WDR25: variants seen among roughly 807,000 people sequenced by gnomAD.
WDR25 encodes WD repeat domain 25, also known as WD repeat-containing protein 25.
Under a neutral mutation model 47.7 loss-of-function variants are expected in WDR25, and 35 were observed. The ratio of observed to expected loss-of-function variants is 0.73; its 90% CI spans 0.56 to 0.97. The LOEUF (loss-of-function observed/expected upper bound fraction) is 0.97. Among genes scored for constraint, WDR25 ranks in the 50% least tolerant of loss-of-function variants. WDR25 has a pLI of 0.00. For synonymous variants in WDR25, 248 were observed against 278.9 expected (o/e 0.89, Z 1.10); for missense variants, 634 against 704.7 (o/e 0.90, Z 1.14).
chr14:100,477,985 G>T (rs1253108305), intron 3 of WDR25, among the ~76,000 whole-genome samples: 1 of 152,126 alleles, frequency 6.6e-6, no homozygotes, highest in Admixed American at 6.5e-5. Flanking sequence ...CCAGCTACTA[G>T]GGAGGCTGAG....
intron 2 of WDR25, among the ~76,000 whole-genome samples, chr14:100,427,363 A>G (rs1898198912): frequency 6.6e-6 from 1 of 151,978 alleles, no homozygotes; most frequent in Admixed American, 6.6e-5. Context: ...TCCCGCTCCA[A>G]ATGTATCCCG....
At chr14:100,480,889 A>C (rs7155186) in intron 3 of WDR25, 3,549 of 299,970 alleles carry the variant, frequency 0.012, 119 homozygotes, top group African/African-American at 0.074. Flanking sequence ...CGGGCAGCCC[A>C]GCTTTGCAAA....
intron 2 of WDR25, among the ~76,000 whole-genome samples, chr14:100,420,987 T>C (rs889761662): frequency 7.2e-5 from 11 of 152,248 alleles, no homozygotes; most frequent in Non-Finnish European, 1.5e-4. Flanking sequence ...TGGATGAGTC[T>C]TTTTATTTCT....
chr14:100,436,323 C>CT (rs1213394031), intron 2 of WDR25, among the ~76,000 whole-genome samples: 6 of 152,196 alleles, frequency 3.9e-5, no homozygotes, highest in African/African-American at 1.4e-4. Flanking sequence ...TCACCACAGA[C>CT]TGTGTGTGCT....
chr14:100,501,116 G>T (rs1178095924), intron 4 of WDR25, among the ~76,000 whole-genome samples: 1 of 152,146 alleles, frequency 6.6e-6, no homozygotes, highest in East Asian at 1.9e-4. Flanking sequence ...CCATGGAGTA[G>T]GTGTGACAGT....
At chr14:100,441,672 G>T (rs1488185250) in intron 2 of WDR25, among the ~76,000 whole-genome samples, 1 of 152,178 alleles carries the variant, frequency 6.6e-6, no homozygotes, top group Admixed American at 6.5e-5. Context: ...GAAGCTCTTG[G>T]TCTTGGTTTC....
intron 2 of WDR25, among the ~76,000 whole-genome samples, chr14:100,426,883 A>T (rs1206903321): frequency 6.6e-6 from 1 of 152,172 alleles, no homozygotes; most frequent in African/African-American, 2.4e-5. Flanking sequence ...CAGCCCTAGG[A>T]AACTGCCAGC....
At chr14:100,429,078 T>A (rs191392549) in intron 2 of WDR25, among the ~76,000 whole-genome samples, 1 of 152,208 alleles carries the variant, frequency 6.6e-6, no homozygotes, top group African/African-American at 2.4e-5. Context: ...TTTAGAACAT[T>A]TTCTTCCATT....
intron 2 of WDR25, among the ~76,000 whole-genome samples, chr14:100,383,772 C>T (rs1000820570): frequency 1.3e-5 from 2 of 152,228 alleles, no homozygotes; most frequent in Non-Finnish European, 2.9e-5. Flanking sequence ...GTGCCAGGCA[C>T]GGTGCCACTG....
intron 4 of WDR25, among the ~76,000 whole-genome samples, chr14:100,516,481 C>T (rs1452457267): frequency 4.6e-5 from 7 of 152,158 alleles, no homozygotes; most frequent in African/African-American, 1.2e-4. Flanking sequence ...CAGGTAAAAT[C>T]GTGGACTTGT....
intron 2 of WDR25, among the ~76,000 whole-genome samples, chr14:100,420,754 C>T (rs1253131590): frequency 6.6e-6 from 1 of 152,168 alleles, no homozygotes; most frequent in Admixed American, 6.5e-5. Flanking sequence ...TATGAGGCTG[C>T]AGATAACAGG....
At chr14:100,411,660 C>T (rs1897712276) in intron 2 of WDR25, among the ~76,000 whole-genome samples, 1 of 152,066 alleles carries the variant, frequency 6.6e-6, no homozygotes, top group Non-Finnish European at 1.5e-5. Context: ...CCTCAGCCTC[C>T]CTAGTAGCTG....
In WDR25 at chr14:100,381,502, A is replaced by T. The variant is rs1467872973; in HGVS notation, c.578A>T (p.Lys193Met). Residue 193 changes from lysine (K) to methionine (M), a missense_variant, in exon 2 of 7, where the codon AAG (lysine) becomes ATG (methionine). Lys to Met is a moderately conservative substitution (Grantham distance 95, BLOSUM62 -1). Coordinates refer to ENST00000402312, the MANE Select transcript of WDR25 (RefSeq NM_001161476.3). ...QRQALSTETG[K>M]GKDVEPQGPP... ...CAGGCATTAAGCACGGAGACAGGCA[A>T]GGGTAAAGACGTGGAGCCACAGGGG... 3.7e-6 allele frequency: 6 copies of T among 1,614,068 alleles called. No individual in the cohort carries two copies. The highest frequency in any genetic ancestry group is 5.1e-6 in the Non-Finnish European group (6 of 1,180,034).
At chr14:100,418,326 A>C (rs1159742288) in intron 2 of WDR25, among the ~76,000 whole-genome samples, 1 of 151,024 alleles carries the variant, frequency 6.6e-6, no homozygotes, top group African/African-American at 2.4e-5. Context: ...TCTGACTTTC[A>C]TGCAACTATT....
intron 2 of WDR25, among the ~76,000 whole-genome samples, chr14:100,413,670 C>T (rs530459029): frequency 1.5e-3 from 230 of 152,334 alleles, no homozygotes; most frequent in Admixed American, 3.5e-3. Flanking sequence ...ACCTCGGCCT[C>T]CCAAAGTGTT....
chr14:100,400,393 G>A (rs1330493144), intron 2 of WDR25, among the ~76,000 whole-genome samples: 2 of 152,190 alleles, frequency 1.3e-5, no homozygotes, highest in East Asian at 1.9e-4. Flanking sequence ...GCACCTTTCC[G>A]GGTTTGACTC....
chr14:100,499,602 G>A lies in WDR25; in HGVS notation c.1101+15478G>A, dbSNP rs1900847516. 6.6e-6 allele frequency among the ~76,000 whole-genome samples: 1 copy of A among 152,172 alleles called. No homozygotes were observed. The highest frequency in any genetic ancestry group is 2.1e-4 in the South Asian group (1 of 4,830). On this transcript the variant is annotated intron_variant, in intron 4 of 6. Transcript: ENST00000402312. The surrounding 1 kb of genome is among the most constrained non-coding windows in gnomAD (Gnocchi z 4.4). ...ATGTTCACCTGCATCCTGGAGGAAG[G>A]CACTGGTGCAGAGAGATGGGCTGGA...
intron 4 of WDR25, among the ~76,000 whole-genome samples, chr14:100,486,204 C>G (rs1319488308): frequency 2.6e-5 from 4 of 152,168 alleles, no homozygotes; most frequent in Non-Finnish European, 5.9e-5. Flanking sequence ...AACCACGTCC[C>G]TTATGGGTGC....
intron 3 of WDR25, among the ~76,000 whole-genome samples, chr14:100,482,259 T>A (rs1207157238): frequency 6.6e-6 from 1 of 152,194 alleles, no homozygotes; most frequent in African/African-American, 2.4e-5. Context: ...AAAAGTTCCC[T>A]ACATTAAGAA....
Sources: allele counts gnomAD v4.1 joint callset (sites outside exome capture counted in the v4.1 genomes callset), GRCh38; gene constraint gnomAD v4.1.1; non-coding constraint Gnocchi (gnomAD v3.1); transcripts MANE v1.5; gene names NCBI Gene and HGNC (gene_info 2026-07-23, HGNC 2026-07-21).